The following JAZF1 variants were observed in gnomAD, a reference collection of about 807,000 sequenced individuals.
JAZF1 encodes the protein JAZF zinc finger 1, also known as juxtaposed with another zinc finger protein 1.
In JAZF1, 8 loss-of-function variants were observed where a neutral mutation model predicts 26.4. The observed-to-expected ratio is 0.30, with a 90% CI of 0.18 to 0.55. The LOEUF (loss-of-function observed/expected upper bound fraction) is 0.55, where lower values mean the gene tolerates loss of function less well. Ranked by LOEUF, JAZF1 falls within the 20% of genes least tolerant of loss-of-function variation. The pLI is 0.94. For synonymous variants in JAZF1, 126 were observed against 122.3 expected, an observed-to-expected ratio of 1.03 and a Z score of -0.20; for missense variants, 199 against 322.0, an observed-to-expected ratio of 0.62 and a Z score of 2.92.
In JAZF1 at chr7:28,028,137, C is replaced by T. The variant is rs117503659; in HGVS notation, c.116-36156G>A. 5.2e-3 allele frequency among the ~76,000 whole-genome samples: 793 copies of T among 152,302 alleles called. 4 individuals carry two copies. The highest frequency in any genetic ancestry group is 0.014 in the Middle Eastern group (4 of 294). ...AAACAAGCCCAAGTTCAATATGAAA[C>T]AAGCAACCTATCTTCTGCAAAGCAA... On this transcript the variant is annotated intron_variant, in intron 1 of 4. Transcript: ENST00000283928.
chr7:28,111,246 G>A (rs1464783748), intron 1 of JAZF1, among the ~76,000 whole-genome samples: 1 of 152,144 alleles, frequency 6.6e-6, no homozygotes, highest in African/African-American at 2.4e-5. Flanking sequence ...TCTACCGTAG[G>A]CTTGCCTGCA....
At chr7:27,877,748 T>C (rs1218626262) in intron 3 of JAZF1, among the ~76,000 whole-genome samples, 1 of 152,220 alleles carries the variant, frequency 6.6e-6, no homozygotes, top group East Asian at 1.9e-4. Context: ...TTGCCATACG[T>C]GCTCTCAGAT....
chr7:28,178,813 A>T (rs1783586757), intron 1 of JAZF1, among the ~76,000 whole-genome samples: 1 of 152,268 alleles, frequency 6.6e-6, no homozygotes. Flanking sequence ...AGGAAATGGA[A>T]GAAGCTATTA....
intron 3 of JAZF1, among the ~76,000 whole-genome samples, chr7:27,869,611 GT>G (rs1783545143): frequency 6.6e-6 from 1 of 152,108 alleles, no homozygotes; most frequent in Non-Finnish European, 1.5e-5. Flanking sequence ...GAACCAAGGG[GT>G]TGCTTCTGGC....
At chr7:28,069,290 AATGAGACTCATGCAT>A (rs1469553311) in intron 1 of JAZF1, among the ~76,000 whole-genome samples, 1 of 152,210 alleles carries the variant, frequency 6.6e-6, no homozygotes, top group Non-Finnish European at 1.5e-5. Flanking sequence ...CTGTTTTCAC[AATGAGACTCATGCAT>A]CATAGCTGTA....
chr7:27,966,195 C>G (rs935940915), intron 2 of JAZF1, among the ~76,000 whole-genome samples: 1 of 152,240 alleles, frequency 6.6e-6, no homozygotes, highest in Non-Finnish European at 1.5e-5. Flanking sequence ...ACAATGAGGG[C>G]AAGACTCTCC....
rs58448766 is a variant in JAZF1 at position 28,120,501 on chromosome 7, CTT to C, written c.115+59960_115+59961del. On this transcript the variant is annotated intron_variant, in intron 1 of 4. Coordinates refer to ENST00000283928, the MANE Select transcript of JAZF1 (RefSeq NM_175061.4). ...TCTGAACCACTAGCCACACACAGTTCTTTTTTTTTTTTTTTTTTTTTTTTTGA... is the reference window on the plus strand; with the variant it reads ...TCTGAACCACTAGCCACACACAGTTCTTTTTTTTTTTTTTTTTTTTTTTGA... 3.2e-3 allele frequency among the ~76,000 whole-genome samples: 189 copies of C among 58,990 alleles called. 1 individual carries two copies. The highest frequency in any genetic ancestry group is 0.026 in the Middle Eastern group (1 of 38). 38.7% of individuals were successfully genotyped at this position (58,990 alleles called of 152,430 possible). A position where few individuals can be genotyped will look rare whatever the true frequency, so the allele number is the denominator to read the frequency against.
At chr7:27,862,244 C>T (rs934607746) in intron 3 of JAZF1, among the ~76,000 whole-genome samples, 3 of 152,056 alleles carry the variant, frequency 2.0e-5, no homozygotes, top group Non-Finnish European at 4.4e-5. Flanking sequence ...CTAGGGGGTA[C>T]ACATGCAGGT....
chr7:27,984,015 A>T (rs994220448), intron 2 of JAZF1, among the ~76,000 whole-genome samples: 2 of 152,256 alleles, frequency 1.3e-5, no homozygotes, highest in African/African-American at 2.4e-5. Context: ...TGTAAAGACC[A>T]TCAAGGCCAG....
chr7:28,137,710 G>C (rs1782906799), intron 1 of JAZF1, among the ~76,000 whole-genome samples: 1 of 152,166 alleles, frequency 6.6e-6, no homozygotes, highest in Non-Finnish European at 1.5e-5. Context: ...CACAGGAATG[G>C]TGTCTGCCGT....
At chr7:28,168,243 G>A (rs914449157) in intron 1 of JAZF1, among the ~76,000 whole-genome samples, 2 of 151,968 alleles carry the variant, frequency 1.3e-5, no homozygotes, top group Admixed American at 6.6e-5. Context: ...TTAGCCGGGC[G>A]TGGCAGCAGG....
At chr7:27,898,286 C>CATATATATATATATATATATATATATAT (rs10638646) in intron 2 of JAZF1, among the ~76,000 whole-genome samples, 3 of 99,612 alleles carry the variant, frequency 3.0e-5, no homozygotes, top group African/African-American at 4.0e-5. Context: ...ACGTCTAACT[C>CATATATATATATATATATATATATATAT]ATATATATAT....
intron 1 of JAZF1, among the ~76,000 whole-genome samples, chr7:28,023,330 A>G (rs1783038750): frequency 6.6e-6 from 1 of 152,362 alleles, no homozygotes; most frequent in African/African-American, 2.4e-5. Flanking sequence ...GCTCTTATGG[A>G]CAAAGCTGAG....
At chr7:27,845,684 G>A (rs1159718871) in intron 3 of JAZF1, among the ~76,000 whole-genome samples, 2 of 131,184 alleles carry the variant, frequency 1.5e-5, no homozygotes, top group African/African-American at 6.0e-5. Context: ...GCAATAGGGC[G>A]AGACTCTGCC....
At chr7:28,136,261 T>C (rs1300673452) in intron 1 of JAZF1, among the ~76,000 whole-genome samples, 1 of 152,232 alleles carries the variant, frequency 6.6e-6, no homozygotes, top group Non-Finnish European at 1.5e-5. Context: ...GAGTTTAAGT[T>C]ACTTGATTAA....
intron 3 of JAZF1, among the ~76,000 whole-genome samples, chr7:27,851,891 G>A (rs1249479483): frequency 6.6e-6 from 1 of 152,064 alleles, no homozygotes; most frequent in Non-Finnish European, 1.5e-5. Context: ...AGTGGAGGGT[G>A]TGTGTTCTGA....
intron 1 of JAZF1, among the ~76,000 whole-genome samples, chr7:28,162,021 G>A (rs115505694): frequency 1.9e-3 from 283 of 152,208 alleles, no homozygotes; most frequent in African/African-American, 6.5e-3. Flanking sequence ...ACAATAAATT[G>A]TAATTGCTAT....
chr7:28,099,945 GCTCA>G (rs1562587119), intron 1 of JAZF1, among the ~76,000 whole-genome samples: 1 of 152,166 alleles, frequency 6.6e-6, no homozygotes, highest in East Asian at 1.9e-4. Flanking sequence ...AAGTTTCTGT[GCTCA>G]CTAAGAGAAG....
intron 1 of JAZF1, among the ~76,000 whole-genome samples, chr7:28,159,737 C>T (rs1333580569): frequency 6.6e-6 from 1 of 152,082 alleles, no homozygotes; most frequent in Non-Finnish European, 1.5e-5. Context: ...TTACCAACTG[C>T]AGGAAGAATC....
Sources: gnomAD v4.1 joint callset for allele counts (sites outside exome capture counted in the v4.1 genomes callset) on GRCh38, gnomAD v4.1.1 for gene constraint, MANE v1.5 for transcripts, NCBI Gene and HGNC (gene_info 2026-07-23, HGNC 2026-07-21) for gene names.